The following MBNL1 variants were observed in gnomAD, a reference collection of about 807,000 sequenced individuals.
MBNL1 encodes the protein muscleblind like splicing regulator 1, also known as muscleblind-like protein 1.
A neutral mutation model predicts 42.2 loss-of-function variants in MBNL1; 8 were observed. The observed-to-expected ratio is 0.19, with a 90% CI of 0.11 to 0.34. The LOEUF (loss-of-function observed/expected upper bound fraction) is 0.34, where lower values mean the gene tolerates loss of function less well. MBNL1 is among the 10% of genes least tolerant of loss of function. The pLI is 1.00. For missense variants in MBNL1, 309 were observed against 495.3 expected (o/e 0.62, Z 3.57); for synonymous variants, 169 against 173.9 (o/e 0.97, Z 0.22).
At chr3:152,317,952 C>T (rs2073244719) in intron 2 of MBNL1, among the ~76,000 whole-genome samples, 1 of 152,114 alleles carries the variant, frequency 6.6e-6, no homozygotes, top group Non-Finnish European at 1.5e-5. Flanking sequence ...ATAGATTAGC[C>T]TATGTGAATA....
chr3:152,317,734 G>A (rs534841754), intron 2 of MBNL1, among the ~76,000 whole-genome samples: 1 of 152,152 alleles, frequency 6.6e-6, no homozygotes, highest in Non-Finnish European at 1.5e-5. Context: ...CATAGAATCT[G>A]TAAACCCACA....
At chr3:152,336,256 G>C (rs969293528) in intron 2 of MBNL1, among the ~76,000 whole-genome samples, 3 of 151,818 alleles carry the variant, frequency 2.0e-5, no homozygotes, top group Admixed American at 6.6e-5. Context: ...CACTTTTTTG[G>C]GGGTTTGTTT....
At chr3:152,433,611 G>A (rs1467285786) in intron 4 of MBNL1, among the ~76,000 whole-genome samples, 5 of 151,882 alleles carry the variant, frequency 3.3e-5, no homozygotes, top group African/African-American at 4.8e-5. Context: ...TTAGTCGGGC[G>A]TGGTAGCGGG....
chr3:152,381,649 A>G (rs372250337), intron 2 of MBNL1, among the ~76,000 whole-genome samples: 3 of 152,036 alleles, frequency 2.0e-5, no homozygotes, highest in African/African-American at 4.8e-5. Flanking sequence ...TCATATTTCT[A>G]TGAAAATTGT....
At chr3:152,298,502 G>A (rs1472427445) in intron 1 of MBNL1, among the ~76,000 whole-genome samples, 3 of 152,168 alleles carry the variant, frequency 2.0e-5, no homozygotes, top group Non-Finnish European at 2.9e-5. Context: ...ATGTTTCTGC[G>A]ATGGAATCAC....
chr3:152,443,754 C>A (rs1436245019), intron 4 of MBNL1, among the ~76,000 whole-genome samples: 2 of 152,080 alleles, frequency 1.3e-5, no homozygotes, highest in African/African-American at 2.4e-5. Context: ...TAATAAAAAA[C>A]CAGAATCTTG....
intron 2 of MBNL1, chr3:152,339,845 A>T (rs189295896): frequency 9.9e-4 from 150 of 152,272 alleles, no homozygotes; most frequent in African/African-American, 3.5e-3. Flanking sequence ...TTCATTTAAC[A>T]TAATTTCAGA....
At chr3:152,392,951 G>C (rs942190326) in intron 2 of MBNL1, among the ~76,000 whole-genome samples, 31 of 152,114 alleles carry the variant, frequency 2.0e-4, no homozygotes, top group Non-Finnish European at 2.4e-4. Flanking sequence ...GAATTTTCTA[G>C]CTTTTAAAAT....
chr3:152,296,123 G>A (rs925739649), intron 1 of MBNL1, among the ~76,000 whole-genome samples: 1 of 152,158 alleles, frequency 6.6e-6, no homozygotes, highest in African/African-American at 2.4e-5. Context: ...AAAACAGCAC[G>A]GTAGATGACT....
chr3:152,333,181 CAG>C (rs2086565271), intron 2 of MBNL1, among the ~76,000 whole-genome samples: 1 of 152,110 alleles, frequency 6.6e-6, no homozygotes, highest in Non-Finnish European at 1.5e-5. Context: ...AACAGAATGA[CAG>C]ATACAGTGAT....
At chr3:152,292,294 T>G (rs970333188) in intron 1 of MBNL1, among the ~76,000 whole-genome samples, 3 of 152,246 alleles carry the variant, frequency 2.0e-5, no homozygotes, top group African/African-American at 4.8e-5. Context: ...AGCTTTATGT[T>G]CTGTTTTGTC....
intron 9 of MBNL1, among the ~76,000 whole-genome samples, chr3:152,461,873 A>G (rs1488714462): frequency 6.6e-6 from 1 of 152,190 alleles, no homozygotes; most frequent in Non-Finnish European, 1.5e-5. Context: ...AAAAAGTTCA[A>G]CAAACTGAAT....
chr3:152,445,502 C>T lies in MBNL1; in HGVS notation c.770C>T (p.Ala257Val). 1 of 1,613,220 alleles carries T rather than the reference C, an allele frequency of 6.2e-7. No homozygotes were observed. Among genetic ancestry groups the T allele is most frequent in the Non-Finnish European group, 8.5e-7 (1 of 1,179,458 alleles). ...GCTGCCCAATACCAGGTCAACCAGGCTGCAGCTGCACAGGCTGCAGCCACC... is the reference window on the plus strand; with the variant it reads ...GCTGCCCAATACCAGGTCAACCAGGTTGCAGCTGCACAGGCTGCAGCCACC... ...IKAAQYQVNQ[A>V]AAAQAAATAA... The change falls in exon 5 of 10, where the codon GCT (alanine) becomes GTT (valine). Residue 257 changes from alanine to valine, a missense_variant. By Grantham distance (64) the Ala-to-Val change is moderately conservative. Transcript: ENST00000324210.
intron 2 of MBNL1, among the ~76,000 whole-genome samples, chr3:152,410,164 A>C (rs2098532361): frequency 6.6e-6 from 1 of 152,104 alleles, no homozygotes; most frequent in Non-Finnish European, 1.5e-5. Context: ...GGTATACTGT[A>C]TTAAACTGTA....
At chr3:152,441,888 G>C (rs2099150063) in intron 4 of MBNL1, among the ~76,000 whole-genome samples, 1 of 152,148 alleles carries the variant, frequency 6.6e-6, no homozygotes, top group Admixed American at 6.5e-5. Flanking sequence ...CACTTCCCAG[G>C]TTCAAGCAAT....
In MBNL1 at chr3:152,445,635, A is replaced by T. The variant is rs1006960569; in HGVS notation, c.807+96A>T. ...AAGCTATTCATTTAGTAACCTTTTT[A>T]AAAAAATTGCTGAAGATATGTTTGT... On this transcript the variant is annotated intron_variant, in intron 5 of 9. Transcript: ENST00000324210. 1.0e-5 allele frequency: 14 copies of T among 1,353,138 alleles called. 1 individual carries two copies. The highest frequency in any genetic ancestry group is 4.3e-5 in the South Asian group (3 of 70,316). 83.8% of individuals were successfully genotyped at this position (1,353,138 alleles called of 1,614,324 possible). A position where few individuals can be genotyped will look rare whatever the true frequency, so the allele number is the denominator to read the frequency against.
chr3:152,301,738 T>C (rs1475531786), intron 2 of MBNL1, among the ~76,000 whole-genome samples: 1 of 152,322 alleles, frequency 6.6e-6, no homozygotes, highest in African/African-American at 2.4e-5. Context: ...AAGGGCACAG[T>C]GGTTGTACCT....
intron 2 of MBNL1, among the ~76,000 whole-genome samples, chr3:152,409,916 T>G (rs2098525257): frequency 6.6e-6 from 1 of 152,184 alleles, no homozygotes; most frequent in African/African-American, 2.4e-5. Flanking sequence ...TTTTGCTTTA[T>G]TAAGTCCAAC....
chr3:152,324,470 C>A (rs997389725), intron 2 of MBNL1, among the ~76,000 whole-genome samples: 13 of 152,140 alleles, frequency 8.5e-5, no homozygotes, highest in African/African-American at 2.4e-4. Context: ...GTCGAGACCT[C>A]TTCCCAATTC....
Sources: allele counts gnomAD v4.1 joint callset (sites outside exome capture counted in the v4.1 genomes callset), GRCh38; gene constraint gnomAD v4.1.1; transcripts MANE v1.5; gene names NCBI Gene and HGNC (gene_info 2026-07-23, HGNC 2026-07-21).